The following CCDC102B variants were observed in gnomAD, a reference collection of about 807,000 sequenced individuals.
CCDC102B encodes coiled-coil domain containing 102B, also known as coiled-coil domain-containing protein 102B.
Under a neutral mutation model 57.4 loss-of-function variants are expected in CCDC102B, and 75 were observed. The observed-to-expected ratio is 1.31, with a 90% CI of 1.08 to 1.58. CCDC102B has a LOEUF of 1.58. Ranked by LOEUF, CCDC102B falls within the 40% of genes most tolerant of loss-of-function variation. The probability of loss-of-function intolerance (pLI) is 0.00; values close to 1 mark genes in which losing one functional copy is unlikely to be tolerated. For synonymous variants in CCDC102B, 206 were observed against 201.9 expected, an observed-to-expected ratio of 1.02 and a Z score of -0.17; for missense variants, 636 against 582.6, an observed-to-expected ratio of 1.09 and a Z score of -0.94.
chr18:68,715,871 TC>T (rs2031933234), intron 1 of CCDC102B, among the ~76,000 whole-genome samples: 1 of 152,170 alleles, frequency 6.6e-6, no homozygotes, highest in South Asian at 2.1e-4. Context: ...AGAATTTAGA[TC>T]AAACCAAATT....
At chr18:68,800,673 G>C (rs886189931) in intron 1 of CCDC102B, among the ~76,000 whole-genome samples, 16 of 151,808 alleles carry the variant, frequency 1.1e-4, no homozygotes, top group African/African-American at 3.6e-4. Flanking sequence ...ACTTTCCTCT[G>C]TTTCTTTTTG....
At chr18:68,749,248 T>G (rs1367765072) in intron 2 of CCDC102B, among the ~76,000 whole-genome samples, 1 of 152,164 alleles carries the variant, frequency 6.6e-6, no homozygotes, top group African/African-American at 2.4e-5. Context: ...AGGATTGTCT[T>G]GGCAATGTGG....
intron 5 of CCDC102B, among the ~76,000 whole-genome samples, chr18:68,878,350 G>A (rs1163517569): frequency 2.0e-5 from 3 of 152,000 alleles, no homozygotes; most frequent in South Asian, 2.1e-4. Context: ...CACTCACCTC[G>A]GCCTCCCAAA....
At chr18:68,872,540 A>G (rs1406076709) in intron 4 of CCDC102B, among the ~76,000 whole-genome samples, 3 of 152,006 alleles carry the variant, frequency 2.0e-5, no homozygotes, top group Non-Finnish European at 4.4e-5. Flanking sequence ...TAGTGATTAC[A>G]GTAGTTGTTT....
chr18:68,725,714 A>C lies in CCDC102B; in HGVS notation c.-67+9120A>C, dbSNP rs532615827. Among the ~76,000 whole-genome samples, 8 of 152,308 alleles carry C rather than the reference A, an allele frequency of 5.3e-5. No individual in the cohort carries two copies. The South Asian group carries it at 1.7e-3, about 32-fold the overall frequency. ...TGGTTATTTTGGGTCTCCCTGAATA[A>C]TCCAAGATTCTCTCCATATCTTAAA... On this transcript the variant is annotated intron_variant, in intron 2 of 3. Coordinates refer to the CCDC102B transcript ENST00000578970.
At chr18:68,849,704 T>G (rs1870316509) in intron 4 of CCDC102B, among the ~76,000 whole-genome samples, 2 of 152,294 alleles carry the variant, frequency 1.3e-5, no homozygotes, top group South Asian at 4.1e-4. Flanking sequence ...CACATTCACC[T>G]GCCTAAACCA....
intron 1 of CCDC102B, among the ~76,000 whole-genome samples, chr18:68,832,309 C>T (rs1254325911): frequency 6.6e-6 from 1 of 152,050 alleles, no homozygotes; most frequent in Non-Finnish European, 1.5e-5. Flanking sequence ...TTCCTAAGTA[C>T]AGAGGGATTT....
At chr18:69,053,974 A>G in intron 7 of CCDC102B, 56 bp from the exon 8 acceptor site, 1 of 1,349,632 alleles carries the variant, frequency 7.4e-7, no homozygotes. Flanking sequence ...TATAGCCACC[A>G]TGATGTACTA....
chr18:68,758,848 T>A (rs531134463), intron 2 of CCDC102B, among the ~76,000 whole-genome samples: 2 of 150,468 alleles, frequency 1.3e-5, no homozygotes, highest in South Asian at 4.2e-4. Context: ...TCCTTCCCCA[T>A]CCCTATAGTA....
intron 6 of CCDC102B, among the ~76,000 whole-genome samples, chr18:68,958,453 G>A (rs2049963650): frequency 6.6e-6 from 1 of 151,962 alleles, no homozygotes; most frequent in East Asian, 1.9e-4. Flanking sequence ...AATCCCACTT[G>A]GTCATAATGA....
intron 6 of CCDC102B, among the ~76,000 whole-genome samples, chr18:68,918,227 T>A (rs1364310210): frequency 6.6e-6 from 1 of 152,210 alleles, no homozygotes; most frequent in Non-Finnish European, 1.5e-5. Context: ...CTTACAAAAT[T>A]AAATACCTTT....
intron 7 of CCDC102B, among the ~76,000 whole-genome samples, chr18:69,014,612 G>A (rs991008686): frequency 3.3e-5 from 5 of 151,734 alleles, no homozygotes; most frequent in Admixed American, 6.6e-5. Context: ...TTGGGGGGGC[G>A]GGGTGGTACT....
At chr18:68,942,698 C>T (rs1428982332) in intron 6 of CCDC102B, among the ~76,000 whole-genome samples, 4 of 151,986 alleles carry the variant, frequency 2.6e-5, no homozygotes, top group South Asian at 2.1e-4. Context: ...AATATACAAT[C>T]GGGTTTTACA....
At chr18:68,922,539 G>A (rs546041617) in intron 6 of CCDC102B, among the ~76,000 whole-genome samples, 1 of 152,132 alleles carries the variant, frequency 6.6e-6, no homozygotes, top group South Asian at 2.1e-4. Context: ...CAGTCTGTGC[G>A]TTTGTGCATG....
At chr18:69,004,176 C>T (rs1342814162) in intron 6 of CCDC102B, among the ~76,000 whole-genome samples, 3 of 152,118 alleles carry the variant, frequency 2.0e-5, no homozygotes, top group Non-Finnish European at 4.4e-5. Flanking sequence ...AAGTGACAGC[C>T]AGGGACACCA....
intron 2 of CCDC102B, among the ~76,000 whole-genome samples, chr18:68,728,087 G>A (rs1297198814): frequency 1.3e-5 from 2 of 152,172 alleles, no homozygotes; most frequent in Non-Finnish European, 2.9e-5. Flanking sequence ...TCTTGAAGTG[G>A]CAATATGGGT....
chr18:68,916,774 G>T (rs373067030), intron 6 of CCDC102B, among the ~76,000 whole-genome samples: 4 of 152,168 alleles, frequency 2.6e-5, no homozygotes, highest in African/African-American at 9.7e-5. Flanking sequence ...TAGTACATTC[G>T]TTGCATTGCT....
intron 4 of CCDC102B, among the ~76,000 whole-genome samples, chr18:68,868,574 G>A (rs1039692991): frequency 3.9e-5 from 6 of 152,222 alleles, no homozygotes; most frequent in Admixed American, 2.6e-4. Flanking sequence ...CTGCATTTGA[G>A]TCTACTCTTT....
At chr18:69,034,974 T>C (rs1039349883) in intron 7 of CCDC102B, among the ~76,000 whole-genome samples, 1 of 151,956 alleles carries the variant, frequency 6.6e-6, no homozygotes, top group African/African-American at 2.4e-5. Context: ...AATGGAAATC[T>C]CTCAAATCTG....
Sources: gnomAD v4.1 joint callset for allele counts (sites outside exome capture counted in the v4.1 genomes callset) on GRCh38, gnomAD v4.1.1 for gene constraint, MANE v1.5 for transcripts, NCBI Gene and HGNC (gene_info 2026-07-23, HGNC 2026-07-21) for gene names.